The following WARS2 variants were observed in gnomAD, a reference collection of about 807,000 sequenced individuals.
The protein encoded by WARS2 is tryptophanyl tRNA synthetase 2, mitochondrial.
In WARS2, 28 loss-of-function variants were observed where a neutral mutation model predicts 36.5. The ratio of observed to expected loss-of-function variants is 0.77; its 90% CI spans 0.57 to 1.05. The LOEUF (loss-of-function observed/expected upper bound fraction) is 1.05, where lower values mean the gene tolerates loss of function less well. Among genes scored for constraint, WARS2 ranks in the 50% least tolerant of loss-of-function variants. The pLI is 0.00. For synonymous variants in WARS2, 174 were observed against 178.4 expected (o/e 0.98, Z 0.20); for missense variants, 435 against 456.8 (o/e 0.95, Z 0.44).
intron 3 of WARS2, among the ~76,000 whole-genome samples, chr1:119,043,337 GAATTT>G (rs1251583465): frequency 3.9e-5 from 6 of 152,140 alleles, no homozygotes; most frequent in Non-Finnish European, 5.9e-5. Context: ...CTGGGCAACT[GAATTT>G]ATAAACTTGT....
intron 2 of WARS2, among the ~76,000 whole-genome samples, chr1:119,074,915 C>T (rs1291254577): frequency 6.6e-6 from 1 of 152,096 alleles, no homozygotes. Flanking sequence ...ATTGCATGTT[C>T]TCACTTATAA....
At chr1:119,070,228 T>C (rs572066545) in intron 2 of WARS2, among the ~76,000 whole-genome samples, 26 of 152,200 alleles carry the variant, frequency 1.7e-4, no homozygotes, top group Admixed American at 1.4e-3. Context: ...AAGAGAGAAG[T>C]CATATACATG....
chr1:119,045,661 A>C lies in WARS2; in HGVS notation c.350T>G (p.Val117Gly), dbSNP rs1326149698. ...EKSILFQQSQ[V>G]SEHTQLSWIL... ...CCAACTTAATTGTGTGTGTTCAGAC[A>C]CCTAAAGAAATAAAATAGAACATTA... The change falls in exon 3 of 6, where the codon GTG becomes GGG. Residue 117 changes from valine (V) to glycine (G), a missense_variant and splice_region_variant. Transcript: ENST00000235521. 6.3e-7 allele frequency: 1 copy of C among 1,583,102 alleles called. No individual in the cohort carries two copies. The highest frequency in any genetic ancestry group is 8.6e-7 in the Non-Finnish European group (1 of 1,160,906).
chr1:119,127,495 G>C (rs1655753707), intron 1 of WARS2, among the ~76,000 whole-genome samples: 1 of 152,118 alleles, frequency 6.6e-6, no homozygotes, highest in Non-Finnish European at 1.5e-5. Flanking sequence ...TGAAAATGAG[G>C]TACAGAGAGG....
intron 1 of WARS2, among the ~76,000 whole-genome samples, chr1:119,090,128 T>TG: frequency 6.8e-6 from 1 of 146,144 alleles, no homozygotes; most frequent in East Asian, 1.9e-4. Flanking sequence ...ACTTTAAAGT[T>TG]GAAAAAAAAA....
At chr1:119,123,627 A>C (rs1437612138) in intron 1 of WARS2, among the ~76,000 whole-genome samples, 1 of 150,532 alleles carries the variant, frequency 6.6e-6, no homozygotes, top group African/African-American at 2.4e-5. Flanking sequence ...CACACACGTT[A>C]ATGTTAGTCT....
chr1:119,130,603 A>T (rs1033268692), intron 1 of WARS2, among the ~76,000 whole-genome samples: 1 of 152,242 alleles, frequency 6.6e-6, no homozygotes, highest in Admixed American at 6.5e-5. Context: ...ACATTACACA[A>T]CTTTTGTAAT....
chr1:119,065,941 G>A (rs781328337), intron 2 of WARS2, among the ~76,000 whole-genome samples: 35 of 152,080 alleles, frequency 2.3e-4, no homozygotes, highest in Non-Finnish European at 4.3e-4. Flanking sequence ...TAAAAATACT[G>A]TAAATAAAAT....
chr1:119,032,796 G>T lies in WARS2; in HGVS notation c.*115C>A. The stretch of plus-strand genomic sequence containing the variant: ...ATTCATCAAATAAAGCCAATAATCA[G>T]CTATACCAAATTAAATGTCCCAAAA... On this transcript the variant is annotated 3_prime_UTR_variant, in exon 6 of 6. Transcript: ENST00000235521. 1 of 961,258 alleles carries T rather than the reference G, an allele frequency of 1.0e-6. No individual in the cohort carries two copies. Among genetic ancestry groups the T allele is most frequent in the African/African-American group, 1.6e-5 (1 of 60,610 alleles). The allele number at this position is 961,258 out of a possible 1,614,324, so 59.5% of individuals were successfully genotyped here.
intron 1 of WARS2, among the ~76,000 whole-genome samples, chr1:119,087,446 T>C (rs1251628389): frequency 1.3e-5 from 2 of 152,246 alleles, no homozygotes; most frequent in Non-Finnish European, 2.9e-5. Flanking sequence ...AAATTGGTTC[T>C]TTGAAACTCA....
intron 1 of WARS2, chr1:119,140,278 G>A: frequency 2.9e-6 from 1 of 341,762 alleles, no homozygotes. Flanking sequence ...CGCGTTGCCC[G>A]GCAACAGCGG....
intron 2 of WARS2, among the ~76,000 whole-genome samples, chr1:119,071,987 A>C (rs192303684): frequency 1.4e-3 from 214 of 152,354 alleles, no homozygotes; most frequent in Non-Finnish European, 1.7e-3. Context: ...AAAGAAAAAA[A>C]GACTTTTTTT....
chr1:119,097,412 A>T (rs976481370), intron 1 of WARS2, among the ~76,000 whole-genome samples: 1 of 152,034 alleles, frequency 6.6e-6, no homozygotes, highest in Non-Finnish European at 1.5e-5. Flanking sequence ...TTCTTCTACC[A>T]TTCCCCTCCA....
intron 1 of WARS2, among the ~76,000 whole-genome samples, chr1:119,113,436 G>A (rs1316994336): frequency 1.3e-5 from 2 of 152,158 alleles, no homozygotes; most frequent in South Asian, 2.1e-4. Flanking sequence ...GGCTTCCGTT[G>A]TAGCAGAAAG....
chr1:119,082,756 T>C (rs1471188466), intron 1 of WARS2, among the ~76,000 whole-genome samples: 4 of 152,070 alleles, frequency 2.6e-5, no homozygotes, highest in African/African-American at 9.7e-5. Context: ...AATTCAGAAC[T>C]CCAGTGCTCT....
intron 4 of WARS2, 75 bp from the exon 5 acceptor site, chr1:119,034,288 C>T: frequency 8.3e-7 from 1 of 1,205,978 alleles, no homozygotes; most frequent in Non-Finnish European, 1.2e-6. Flanking sequence ...CAAGCAGCTG[C>T]ATTTCCTGTG....
chr1:119,105,548 C>T (rs937945311), intron 1 of WARS2, among the ~76,000 whole-genome samples: 5 of 151,966 alleles, frequency 3.3e-5, no homozygotes, highest in Non-Finnish European at 5.9e-5. Flanking sequence ...GATAAGTGAC[C>T]GACAAAGTGC....
chr1:119,088,055 G>T (rs1023940728), intron 1 of WARS2, among the ~76,000 whole-genome samples: 4 of 152,196 alleles, frequency 2.6e-5, no homozygotes, highest in Non-Finnish European at 5.9e-5. Flanking sequence ...GCTTTAACAA[G>T]CCTCTTCAGT....
intron 1 of WARS2, among the ~76,000 whole-genome samples, chr1:119,088,765 C>G (rs1652847269): frequency 6.6e-6 from 1 of 152,144 alleles, no homozygotes; most frequent in African/African-American, 2.4e-5. Context: ...CTCAGGGATT[C>G]AGAAAGCATA....
Sources: allele counts gnomAD v4.1 joint callset (sites outside exome capture counted in the v4.1 genomes callset), GRCh38; gene constraint gnomAD v4.1.1; transcripts MANE v1.5; gene names NCBI Gene and HGNC (gene_info 2026-07-23, HGNC 2026-07-21).